UBE2G1: variants seen among roughly 807,000 people sequenced by gnomAD.
UBE2G1 encodes ubiquitin conjugating enzyme E2 G1, also known as ubiquitin-conjugating enzyme E2 G1.
A neutral mutation model predicts 22.7 loss-of-function variants in UBE2G1; 5 were observed. The ratio of observed to expected loss-of-function variants is 0.22; its 90% CI spans 0.12 to 0.46. The LOEUF (loss-of-function observed/expected upper bound fraction) is 0.46. Ranked by LOEUF, UBE2G1 falls within the 20% of genes least tolerant of loss-of-function variation. The pLI, the probability that UBE2G1 is intolerant of heterozygous loss-of-function variation, is 0.99. For missense variants in UBE2G1, 88 were observed against 203.9 expected (o/e 0.43, Z 3.46); for synonymous variants, 74 against 67.5 (o/e 1.10, Z -0.47).
chr17:4,311,041 T>G (rs941721317), intron 1 of UBE2G1, among the ~76,000 whole-genome samples: 1 of 151,708 alleles, frequency 6.6e-6, no homozygotes, highest in African/African-American at 2.4e-5. Flanking sequence ...CAAACCCCTG[T>G]CTCTACCAAA....
At chr17:4,352,869 G>A (rs1428739764) in intron 1 of UBE2G1, among the ~76,000 whole-genome samples, 1 of 152,146 alleles carries the variant, frequency 6.6e-6, no homozygotes, top group African/African-American at 2.4e-5. Flanking sequence ...GAGCTCAGGA[G>A]TTCAAGATCA....
chr17:4,351,539 T>C (rs1169625495), intron 1 of UBE2G1, among the ~76,000 whole-genome samples: 1 of 152,152 alleles, frequency 6.6e-6, no homozygotes, highest in Admixed American at 6.6e-5. Context: ...CCAGAGAAGA[T>C]AGCAAAAATA....
intron 1 of UBE2G1, among the ~76,000 whole-genome samples, chr17:4,318,442 G>C (rs1057141288): frequency 2.0e-5 from 3 of 152,140 alleles, no homozygotes; most frequent in Non-Finnish European, 2.9e-5. Context: ...AGGCCTGAGA[G>C]CTGCCAATAG....
At chr17:4,292,886 C>G (rs1969059088) in intron 3 of UBE2G1, among the ~76,000 whole-genome samples, 1 of 152,182 alleles carries the variant, frequency 6.6e-6, no homozygotes, top group African/African-American at 2.4e-5. Flanking sequence ...AATTATCTAA[C>G]TGGGTGTAGC....
At chr17:4,360,766 C>A (rs962520931) in intron 1 of UBE2G1, among the ~76,000 whole-genome samples, 1 of 151,958 alleles carries the variant, frequency 6.6e-6, no homozygotes, top group East Asian at 1.9e-4. Flanking sequence ...ACAAAATTAG[C>A]CAGGTGTAGT....
At chr17:4,362,826 C>A (rs536386535) in intron 1 of UBE2G1, among the ~76,000 whole-genome samples, 9 of 152,228 alleles carry the variant, frequency 5.9e-5, no homozygotes, top group South Asian at 2.1e-4. Context: ...TATGTCACTG[C>A]GCTCCAGTCT....
chr17:4,349,118 T>C (rs573037548), intron 1 of UBE2G1, among the ~76,000 whole-genome samples: 21 of 152,004 alleles, frequency 1.4e-4, no homozygotes, highest in African/African-American at 4.6e-4. Flanking sequence ...GTCAGGAGTT[T>C]GAAAACAGCC....
intron 1 of UBE2G1, among the ~76,000 whole-genome samples, chr17:4,313,378 G>C (rs944800641): frequency 2.0e-5 from 3 of 152,168 alleles, no homozygotes; most frequent in African/African-American, 7.2e-5. Flanking sequence ...AATCAAAAGG[G>C]AAACTAAAAC....
chr17:4,333,513 TA>T (rs1198985545), intron 1 of UBE2G1, among the ~76,000 whole-genome samples: 1 of 151,944 alleles, frequency 6.6e-6, no homozygotes, highest in Non-Finnish European at 1.5e-5. Context: ...CCATCTCTAC[TA>T]AAAATACAAA....
chr17:4,309,005 T>C (rs776564102), intron 1 of UBE2G1, among the ~76,000 whole-genome samples: 4 of 152,218 alleles, frequency 2.6e-5, no homozygotes, highest in Non-Finnish European at 5.9e-5. Flanking sequence ...ACACCTGTAA[T>C]CTCAACGCTT....
At chr17:4,355,041 T>C (rs1278466687) in intron 1 of UBE2G1, among the ~76,000 whole-genome samples, 1 of 151,994 alleles carries the variant, frequency 6.6e-6, no homozygotes, top group Non-Finnish European at 1.5e-5. Context: ...GCAGCGGGCC[T>C]TGATGTTGCC....
intron 1 of UBE2G1, among the ~76,000 whole-genome samples, chr17:4,314,449 A>T (rs1191978212): frequency 6.6e-6 from 1 of 152,150 alleles, no homozygotes; most frequent in Non-Finnish European, 1.5e-5. Context: ...CAAGAAACAA[A>T]TTTATCACCA....
intron 4 of UBE2G1, among the ~76,000 whole-genome samples, chr17:4,283,926 C>T (rs1968927011): frequency 1.3e-5 from 2 of 151,332 alleles, no homozygotes; most frequent in Admixed American, 1.3e-4. Context: ...CGAGGCAGGA[C>T]CTCAGGATCA....
chr17:4,300,132 G>A (rs2143717666), intron 2 of UBE2G1, among the ~76,000 whole-genome samples: 1 of 151,130 alleles, frequency 6.6e-6, no homozygotes, highest in Middle Eastern at 3.4e-3. Flanking sequence ...ACTTGTGCGT[G>A]CAAACTTCTA....
intron 1 of UBE2G1, among the ~76,000 whole-genome samples, chr17:4,328,709 T>C (rs1419416520): frequency 6.6e-6 from 1 of 152,190 alleles, no homozygotes; most frequent in Non-Finnish European, 1.5e-5. Flanking sequence ...ACGTAGAAAA[T>C]TGGAATGTAG....
At chr17:4,355,844 G>C (rs1217661667) in intron 1 of UBE2G1, among the ~76,000 whole-genome samples, 1 of 146,480 alleles carries the variant, frequency 6.8e-6, no homozygotes, top group Non-Finnish European at 1.5e-5. Flanking sequence ...GGGATTACAG[G>C]TGTGCACCAC....
chr17:4,299,525 G>A (rs544194112), intron 2 of UBE2G1, among the ~76,000 whole-genome samples: 7 of 152,232 alleles, frequency 4.6e-5, no homozygotes, highest in East Asian at 1.9e-4. Flanking sequence ...GCTTTCCCAC[G>A]TCACTTACTT....
At chr17:4,295,080 T>G (rs1969093180) in intron 3 of UBE2G1, among the ~76,000 whole-genome samples, 1 of 152,196 alleles carries the variant, frequency 6.6e-6, no homozygotes, top group Admixed American at 6.5e-5. Flanking sequence ...TAGTCTGTGG[T>G]GAAGCCAACA....
chr17:4,280,117 C>T (rs1269213726), intron 5 of UBE2G1, among the ~76,000 whole-genome samples: 2 of 150,854 alleles, frequency 1.3e-5, no homozygotes, highest in Non-Finnish European at 2.9e-5. Flanking sequence ...CTCATCGCAG[C>T]CTCCGCCTCC....
Sources: gnomAD v4.1 joint callset for allele counts (sites outside exome capture counted in the v4.1 genomes callset) on GRCh38, gnomAD v4.1.1 for gene constraint, MANE v1.5 for transcripts, NCBI Gene and HGNC (gene_info 2026-07-23, HGNC 2026-07-21) for gene names.